Variants in NUP214 observed in about 807,000 individuals in gnomAD.
NUP214 encodes nuclear pore complex protein Nup214.
In NUP214, 79 loss-of-function variants were observed where a neutral mutation model predicts 196.2. The observed-to-expected ratio is 0.40, with a 90% confidence interval of 0.34 to 0.49. The LOEUF (loss-of-function observed/expected upper bound fraction) is 0.49, where lower values mean the gene tolerates loss of function less well. Ranked by LOEUF, NUP214 falls within the 20% of genes least tolerant of loss-of-function variation. The probability of loss-of-function intolerance (pLI) is 0.58; values close to 1 mark genes in which losing one functional copy is unlikely to be tolerated. For synonymous variants in NUP214, 1,020 were observed against 990.5 expected (o/e 1.03, Z -0.56); for missense variants, 2,468 against 2,539.0 (o/e 0.97, Z 0.60).
At chr9:131,128,153 G>A (rs988712641) in intron 2 of NUP214, among the ~76,000 whole-genome samples, 179 bp from the exon 3 acceptor site, 1 of 152,170 alleles carries the variant, frequency 6.6e-6, no homozygotes, top group African/African-American at 2.4e-5. Flanking sequence ...GAATTCCAGG[G>A]ATACTTAATC....
At chr9:131,230,429 A>G in intron 33 of NUP214, 1 of 591,464 alleles carries the variant, frequency 1.7e-6, no homozygotes, top group Non-Finnish European at 3.0e-6. Flanking sequence ...TAGTCCTGCC[A>G]TTTTTCTTCC....
intron 5 of NUP214, among the ~76,000 whole-genome samples, chr9:131,132,274 A>G (rs72768569): frequency 0.27 from 40,952 of 151,318 alleles, 5,786 homozygotes; most frequent in East Asian, 0.42. Context: ...ACCCGCCACC[A>G]CACCCAGCTA....
chr9:131,126,194 GGTGAT>G (rs1831343773), intron 1 of NUP214: 1 of 182,770 alleles, frequency 5.5e-6, no homozygotes, highest in South Asian at 8.4e-5. Context: ...ACTTCTGTAA[GGTGAT>G]ACGGGCTTGC....
intron 19 of NUP214, chr9:131,163,404 A>G (rs1262384986): frequency 1.2e-5 from 6 of 507,928 alleles, no homozygotes; most frequent in African/African-American, 1.2e-4. Flanking sequence ...GTAAAATATT[A>G]CACTGATGAA....
intron 29 of NUP214, among the ~76,000 whole-genome samples, chr9:131,200,676 T>A (rs1206653991): frequency 6.6e-6 from 1 of 152,084 alleles, no homozygotes. Flanking sequence ...GCCACTGCAC[T>A]CCAGCCTGGG....
intron 30 of NUP214, among the ~76,000 whole-genome samples, chr9:131,208,403 G>T (rs944008973): frequency 6.6e-6 from 1 of 152,212 alleles, no homozygotes; most frequent in Non-Finnish European, 1.5e-5. Flanking sequence ...CCATAAAAAG[G>T]AGTGAAGTTC....
intron 30 of NUP214, among the ~76,000 whole-genome samples, chr9:131,213,292 C>T (rs1215843205): frequency 6.6e-6 from 1 of 151,954 alleles, no homozygotes; most frequent in Non-Finnish European, 1.5e-5. Flanking sequence ...TCTCCTGCCT[C>T]AGCCTCCCAG....
intron 32 of NUP214, among the ~76,000 whole-genome samples, chr9:131,223,734 T>TATTTTA (rs1564219793): frequency 3.3e-5 from 1 of 30,724 alleles, no homozygotes; most frequent in Non-Finnish European, 7.2e-5. Context: ...TTTATTTTTT[T>TATTTTA]TTTTTTTTTT....
intron 29 of NUP214, among the ~76,000 whole-genome samples, chr9:131,200,028 C>T (rs571195542): frequency 6.6e-6 from 1 of 152,194 alleles, no homozygotes; most frequent in Non-Finnish European, 1.5e-5. Context: ...AGAAAATGGG[C>T]AAGGAGAAGG....
chr9:131,204,668 CAA>C (rs1334184990), intron 30 of NUP214, among the ~76,000 whole-genome samples: 1 of 151,994 alleles, frequency 6.6e-6, no homozygotes, highest in Non-Finnish European at 1.5e-5. Context: ...ATGAAAGATA[CAA>C]AAGAGAAAAA....
In NUP214 at chr9:131,198,200, C is replaced by A. The variant is rs1833846957; in HGVS notation, c.4706C>A (p.Pro1569Gln). Residue 1569 changes from proline (P) to glutamine (Q), a missense_variant, in exon 29 of 36, where the codon CCA becomes CAA. This residue lies in a region of NUP214 where 1,801 missense variants were observed against 1,779.4 expected (regional missense o/e 1.01). Coordinates refer to ENST00000359428, the MANE Select transcript of NUP214 (RefSeq NM_005085.4). ...SLVALSAEAT[P>Q]ATTGVPDART... The stretch of plus-strand genomic sequence containing the variant: ...GTAGCACTTTCTGCAGAGGCTACCC[C>A]AGCCACCACGGGGGTCCCTGATGCC... 1 of 1,614,264 alleles carries A rather than the reference C, an allele frequency of 6.2e-7. No homozygotes were observed. The highest frequency in any genetic ancestry group is 8.5e-7 in the Non-Finnish European group (1 of 1,180,048).
intron 32 of NUP214, among the ~76,000 whole-genome samples, chr9:131,224,247 A>C (rs1035885897): frequency 6.6e-6 from 1 of 152,144 alleles, no homozygotes; most frequent in Non-Finnish European, 1.5e-5. Context: ...TATAACTACA[A>C]ATTTTTAATG....
At chr9:131,130,613 A>T (rs548468979) in intron 4 of NUP214, among the ~76,000 whole-genome samples, 153 bp from the exon 5 acceptor site, 1 of 152,266 alleles carries the variant, frequency 6.6e-6, no homozygotes, top group South Asian at 2.1e-4. Context: ...CGTTAAAATG[A>T]TTTTACTTTT....
chr9:131,223,733 T>TTATTA (rs1564219786), intron 32 of NUP214, among the ~76,000 whole-genome samples: 1 of 31,768 alleles, frequency 3.1e-5, no homozygotes, highest in Non-Finnish European at 7.3e-5. Flanking sequence ...ATTTATTTTT[T>TTATTA]TTTTTTTTTT....
intron 28 of NUP214, chr9:131,195,696 A>G (rs1311529431): frequency 5.7e-6 from 1 of 174,836 alleles, no homozygotes; most frequent in Admixed American, 6.2e-5. Context: ...TTGATAACAT[A>G]CCAGCAAACA....
At chr9:131,158,988 C>T in intron 17 of NUP214, 1 of 161,990 alleles carries the variant, frequency 6.2e-6, no homozygotes, top group South Asian at 1.7e-4. Flanking sequence ...CTCAAGTGAT[C>T]TGCTTGCCTC....
In NUP214 at chr9:131,201,732, G is replaced by T. The variant is rs368776996; in HGVS notation, c.5592+15G>T. On this transcript the variant is annotated intron_variant, in intron 30 of 35. Transcript: ENST00000359428. ...TCTTTGGCCAGGTAAATATGCATTT[G>T]TCTTCATTCACGTCAACATGTATCA... is the stretch of plus-strand genomic sequence containing the variant. The T allele has an allele frequency of 1.9e-6, 3 of 1,607,070 alleles. No homozygotes were observed. Among genetic ancestry groups the T allele is most frequent in the South Asian group, 1.1e-5 (1 of 90,926 alleles).
At position 131,144,503 on chromosome 9, in the gene NUP214, C is replaced by A. The variant is rs780227399; in HGVS notation, c.1518C>A (p.Ser506=). The A allele has an allele frequency of 6.2e-7, 1 of 1,614,124 alleles. No homozygotes were observed. Among genetic ancestry groups the A allele is most frequent in the Admixed American group, 1.7e-5 (1 of 60,014 alleles). ...TGEPPSYSSG[S]DSSKAAPGPG... ...AGCCCCCTTCATATTCCAGTGGCTC[C>A]GACAGCTCCAAAGCAGCCCCAGGCC... Residue 506 remains serine, a synonymous_variant, in exon 12 of 36, where the codon TCC becomes TCA. Transcript: ENST00000359428.
At chr9:131,127,355 C>T (rs1831394124) in intron 1 of NUP214, among the ~76,000 whole-genome samples, 169 bp from the exon 2 acceptor site, 1 of 152,318 alleles carries the variant, frequency 6.6e-6, no homozygotes, top group East Asian at 1.9e-4. Flanking sequence ...TGCACTCCAG[C>T]CTGGACGACA....
Sources: gnomAD v4.1 joint callset for allele counts (sites outside exome capture counted in the v4.1 genomes callset) on GRCh38, gnomAD v4.1.1 for gene constraint, gnomAD v4.1.1 regional missense constraint, MANE v1.5 for transcripts, NCBI Gene and HGNC (gene_info 2026-07-23, HGNC 2026-07-21) for gene names.